CCL17: variants seen among roughly 807,000 people sequenced by gnomAD.
CCL17 encodes C-C motif chemokine 17.
In CCL17, 8 loss-of-function variants were observed where a neutral mutation model predicts 7.4. That is an observed-to-expected ratio of 1.09 (90% CI 0.64 to 1.96). CCL17 has a LOEUF of 1.96. Ranked by LOEUF, CCL17 falls within the 30% of genes most tolerant of loss-of-function variation. CCL17 has a pLI of 0.00. For missense variants in CCL17, 102 were observed against 113.0 expected, an observed-to-expected ratio of 0.90 and a Z score of 0.44; for synonymous variants, 40 against 46.1, an observed-to-expected ratio of 0.87 and a Z score of 0.54.
At chr16:57,408,490 C>A (rs1474953305) in intron 1 of CCL17, among the ~76,000 whole-genome samples, 1 of 152,180 alleles carries the variant, frequency 6.6e-6, no homozygotes. Flanking sequence ...TGGCTCACTG[C>A]AGCCTCAACT....
chr16:57,403,978 A>T (rs72792967), upstream of CCL17, among the ~76,000 whole-genome samples: 5,432 of 152,082 alleles, frequency 0.036, 121 homozygotes, highest in Non-Finnish European at 0.047. Context: ...GAAAAAGGTG[A>T]AGGAGTGAGT....
chr16:57,414,521 C>T (rs1598014385), intron 2 of CCL17, among the ~76,000 whole-genome samples: 3 of 136,706 alleles, frequency 2.2e-5, no homozygotes, highest in Non-Finnish European at 3.0e-5. Flanking sequence ...CGGATTCAAG[C>T]GATTCTCCTG....
At chr16:57,400,172 A>G (rs1902571845), upstream of CCL17, among the ~76,000 whole-genome samples, 1 of 152,092 alleles carries the variant, frequency 6.6e-6, no homozygotes, top group South Asian at 2.1e-4. Flanking sequence ...ATCCTGGCTA[A>G]CGCGGTGAAA....
At chr16:57,404,115 G>T (rs1194269600), upstream of CCL17, among the ~76,000 whole-genome samples, 1 of 152,170 alleles carries the variant, frequency 6.6e-6, no homozygotes, top group Non-Finnish European at 1.5e-5. Context: ...GGGGCAGAGT[G>T]AACCAGGGAA....
chr16:57,413,993 A>T lies in CCL17; in HGVS notation c.61A>T (p.Ile21Phe). Residue 21 changes from isoleucine to phenylalanine, a missense_variant, in exon 2 of 4, where the codon ATC (isoleucine) becomes TTC (phenylalanine). Ile to Phe is a conservative substitution (Grantham distance 21, BLOSUM62 0). Coordinates refer to ENST00000219244, the MANE Select transcript of CCL17 (RefSeq NM_002987.3). Reference sequence around the variant, plus strand: ...CCTCCTGGGGGCTTCTCTGCAGCACATCCACGCAGGTGAGAGCAGGGGACA... The same window carrying T: ...CCTCCTGGGGGCTTCTCTGCAGCACTTCCACGCAGGTGAGAGCAGGGGACA... ...TLLLGASLQHIHAARGTNVGR... is the reference protein window; with the variant it reads ...TLLLGASLQHFHAARGTNVGR... The T allele has an allele frequency of 1.2e-6, 2 of 1,611,544 alleles. No individual in the cohort carries two copies. The highest frequency in any genetic ancestry group is 8.5e-7 in the Non-Finnish European group (1 of 1,179,004).
rs765518571 is a variant in CCL17 at position 57,415,844 on chromosome 16, A to G, written c.268A>G (p.Ser90Gly). 65 of 1,607,404 alleles carry G rather than the reference A, an allele frequency of 4.0e-5. No individual in the cohort carries two copies. In the Middle Eastern group the frequency reaches 5.0e-4, roughly 12 times the overall value. ...GAAGAATGCAGTTAAATACCTGCAA[A>G]GCCTTGAGAGGTCTTGAAGCCTCCT... is the stretch of plus-strand genomic sequence containing the variant. ...RVKNAVKYLQ[S>G]LERS is the part of the protein sequence containing the mutation. The change falls in exon 4 of 4, where the codon AGC becomes GGC. Residue 90 changes from serine to glycine, a missense_variant. Ser to Gly is a moderately conservative substitution (Grantham distance 56, BLOSUM62 0). Coordinates refer to ENST00000219244, the MANE Select transcript of CCL17 (RefSeq NM_002987.3). The surrounding 1 kb of genome is among the most constrained non-coding windows in gnomAD (Gnocchi z 4.5).
In CCL17 at chr16:57,407,025, A is replaced by G. The variant is rs148033051; in HGVS notation, c.-60+2189A>G. Among the ~76,000 whole-genome samples the G allele has an allele frequency of 1.3e-3, 205 of 152,230 alleles. 2 individuals carry two copies. The highest frequency in any genetic ancestry group is 3.8e-3 in the Admixed American group (58 of 15,298). On this transcript the variant is annotated intron_variant, in intron 1 of 3. Transcript: ENST00000219244. ...CATTGCTGAGGATTAATTAAATCAC[A>G]AGTGGGCAGAGAGGAAATGGTAGAG...
At chr16:57,405,771 C>T (rs1013866155) in intron 1 of CCL17, among the ~76,000 whole-genome samples, 2 of 151,984 alleles carry the variant, frequency 1.3e-5, no homozygotes, top group Admixed American at 1.3e-4. Context: ...CGGTGGCTCA[C>T]GCCTGTAATC....
upstream of CCL17, among the ~76,000 whole-genome samples, chr16:57,402,062 G>A (rs959167499): frequency 1.6e-4 from 24 of 152,242 alleles, no homozygotes; most frequent in Admixed American, 3.3e-4. Context: ...TGGTTCAGGC[G>A]AAAGCCCCAC....
chr16:57,400,395 C>G (rs1442895313), upstream of CCL17, among the ~76,000 whole-genome samples: 3 of 151,370 alleles, frequency 2.0e-5, no homozygotes, highest in African/African-American at 4.8e-5. Context: ...AAAACAGGAA[C>G]TAGACAGGGG....
chr16:57,405,326 G>A (rs1298480988), intron 1 of CCL17, among the ~76,000 whole-genome samples: 1 of 152,200 alleles, frequency 6.6e-6, no homozygotes, highest in Non-Finnish European at 1.5e-5. Flanking sequence ...AGCCAGTGGA[G>A]ATGAGAAGGA....
the CCL17 span, among the ~76,000 whole-genome samples, chr16:57,399,436 C>T: frequency 6.6e-6 from 1 of 151,948 alleles, no homozygotes; most frequent in East Asian, 1.9e-4. Flanking sequence ...CATTGACCTT[C>T]TTTTTTTTAC....
intron 1 of CCL17, among the ~76,000 whole-genome samples, chr16:57,411,487 G>A (rs1255099961): frequency 6.6e-6 from 1 of 152,214 alleles, no homozygotes; most frequent in Non-Finnish European, 1.5e-5. Flanking sequence ...AAAGCGAAGA[G>A]GACTCAGAAC....
intron 1 of CCL17, among the ~76,000 whole-genome samples, chr16:57,406,189 G>A (rs1044017945): frequency 2.6e-5 from 4 of 152,166 alleles, no homozygotes; most frequent in African/African-American, 9.6e-5. Flanking sequence ...TGCCCATGAA[G>A]CAGATTTATT....
upstream of CCL17, among the ~76,000 whole-genome samples, chr16:57,401,008 G>A (rs561736210): frequency 2.2e-4 from 34 of 151,282 alleles, 1 homozygote; most frequent in South Asian, 2.9e-3. Context: ...CACGCACTTA[G>A]TAACTAAGCC....
chr16:57,406,920 T>A (rs530121330), intron 1 of CCL17, among the ~76,000 whole-genome samples: 1 of 151,956 alleles, frequency 6.6e-6, no homozygotes. Context: ...TGTAAGGCAG[T>A]GGGAGGTTCA....
At chr16:57,407,642 A>G (rs752767380) in intron 1 of CCL17, among the ~76,000 whole-genome samples, 36 of 152,002 alleles carry the variant, frequency 2.4e-4, no homozygotes, top group Non-Finnish European at 4.7e-4. Flanking sequence ...CCATACATCT[A>G]CACATACACC....
chr16:57,408,877 T>C (rs1902742013), intron 1 of CCL17, among the ~76,000 whole-genome samples: 2 of 152,188 alleles, frequency 1.3e-5, no homozygotes, highest in African/African-American at 4.8e-5. Flanking sequence ...CCTGGTCATT[T>C]TTTTGCATTT....
At chr16:57,400,097 C>A (rs1441025543), upstream of CCL17, among the ~76,000 whole-genome samples, 1 of 152,166 alleles carries the variant, frequency 6.6e-6, no homozygotes, top group Non-Finnish European at 1.5e-5. Context: ...CGGTGGCTCA[C>A]GCCTGTAATC....
Sources: gnomAD v4.1 joint callset for allele counts (sites outside exome capture counted in the v4.1 genomes callset) on GRCh38, gnomAD v4.1.1 for gene constraint, Gnocchi (gnomAD v3.1) non-coding constraint, MANE v1.5 for transcripts, NCBI Gene and HGNC (gene_info 2026-07-23, HGNC 2026-07-21) for gene names.